CSMD3: variants seen among roughly 807,000 people sequenced by gnomAD.
CSMD3 encodes the protein CUB and sushi domain-containing protein 3.
A neutral mutation model predicts 435.2 loss-of-function variants in CSMD3; 177 were observed. The observed-to-expected ratio is 0.41, with a 90% CI of 0.36 to 0.46. The LOEUF (loss-of-function observed/expected upper bound fraction) is 0.46. Among genes scored for constraint, CSMD3 ranks in the 20% least tolerant of loss-of-function variants. CSMD3 has a pLI of 0.34. For missense variants in CSMD3, 4,265 were observed against 4,504.6 expected (o/e 0.95, Z 1.52); for synonymous variants, 1,656 against 1,520.5 (o/e 1.09, Z -2.07).
chr8:112,327,298 T>C (rs1420991767), intron 45 of CSMD3, among the ~76,000 whole-genome samples: 1 of 152,102 alleles, frequency 6.6e-6, no homozygotes. Context: ...CTGGTACAAA[T>C]ATATCCAATA....
chr8:113,251,005 G>GA (rs111931715), intron 3 of CSMD3, among the ~76,000 whole-genome samples: 19 of 150,244 alleles, frequency 1.3e-4, no homozygotes, highest in African/African-American at 1.7e-4. Flanking sequence ...AGCTAAAAAG[G>GA]AAAAAAAAAG....
chr8:112,335,613 T>C, intron 44 of CSMD3, 139 bp from the exon 45 acceptor site: 1 of 743,828 alleles, frequency 1.3e-6, no homozygotes, highest in Admixed American at 2.1e-5. Flanking sequence ...AACCAATGAG[T>C]ACAAATTATA....
At chr8:112,328,319 T>A (rs917376965) in intron 45 of CSMD3, among the ~76,000 whole-genome samples, 19 of 152,210 alleles carry the variant, frequency 1.2e-4, no homozygotes, top group African/African-American at 4.1e-4. Context: ...TTGAAATTAA[T>A]GCTACCTTAG....
chr8:113,244,764 T>A (rs114967900), intron 3 of CSMD3, among the ~76,000 whole-genome samples: 2 of 152,144 alleles, frequency 1.3e-5, no homozygotes, highest in Admixed American at 1.3e-4. Context: ...TGGACTGGTT[T>A]TTTTCTTGTG....
At chr8:113,432,869 T>G (rs1225810000) in intron 1 of CSMD3, among the ~76,000 whole-genome samples, 1 of 152,120 alleles carries the variant, frequency 6.6e-6, no homozygotes, top group Non-Finnish European at 1.5e-5. Context: ...TAGGACACAC[T>G]CACACCCACC....
chr8:113,230,381 C>T (rs912016654), intron 3 of CSMD3, among the ~76,000 whole-genome samples: 5 of 151,326 alleles, frequency 3.3e-5, no homozygotes, highest in East Asian at 3.9e-4. Context: ...TTTTATGTTG[C>T]CTTTCTGTAC....
intron 20 of CSMD3, among the ~76,000 whole-genome samples, chr8:112,639,473 G>T (rs1051097866): frequency 2.6e-5 from 4 of 152,074 alleles, no homozygotes; most frequent in African/African-American, 9.7e-5. Context: ...ATATATAAGT[G>T]TTCAGGTCAA....
In CSMD3 at chr8:112,303,589, A is replaced by C. The variant is rs529998577; in HGVS notation, c.8266+1132T>G. ...ACAAACAAACAAACAAAAACAACAA[A>C]AAAAAATACAGATGATGGCACATTT... On this transcript the variant is annotated intron_variant, in intron 52 of 70. Coordinates refer to ENST00000297405, the MANE Select transcript of CSMD3 (RefSeq NM_198123.2). 1.6e-4 allele frequency among the ~76,000 whole-genome samples: 24 copies of C among 152,194 alleles called. 1 individual carries two copies. Among genetic ancestry groups the C allele is most frequent in the East Asian group, 5.8e-4 (3 of 5,180 alleles).
chr8:113,294,168 A>G (rs1363654828), intron 2 of CSMD3, among the ~76,000 whole-genome samples: 1 of 152,074 alleles, frequency 6.6e-6, no homozygotes, highest in Non-Finnish European at 1.5e-5. Context: ...CTAATTAGGA[A>G]CATGAAACTA....
At chr8:113,398,941 C>T (rs947794023) in intron 1 of CSMD3, among the ~76,000 whole-genome samples, 1 of 151,348 alleles carries the variant, frequency 6.6e-6, no homozygotes, top group Non-Finnish European at 1.5e-5. Flanking sequence ...AGGGACAAGG[C>T]CTGTGTTTGA....
At chr8:112,341,730 G>A (rs375836007) in intron 41 of CSMD3, 44 bp from the exon 42 acceptor site, 71 of 1,225,872 alleles carry the variant, frequency 5.8e-5, no homozygotes, top group East Asian at 1.7e-4. Context: ...TTGCTTTACC[G>A]AATTAAACAT....
chr8:112,448,146 C>T (rs1815830909), intron 32 of CSMD3, among the ~76,000 whole-genome samples: 2 of 152,172 alleles, frequency 1.3e-5, no homozygotes, highest in Admixed American at 1.3e-4. Flanking sequence ...GCTAGGCTCT[C>T]ATAAGGGCTT....
intron 32 of CSMD3, among the ~76,000 whole-genome samples, chr8:112,447,770 TC>T (rs1815784184): frequency 6.6e-6 from 1 of 152,226 alleles, no homozygotes; most frequent in South Asian, 2.1e-4. Flanking sequence ...TTAGGACTTA[TC>T]TTTTGCTACC....
chr8:112,785,704 A>C (rs1355945929), intron 13 of CSMD3, among the ~76,000 whole-genome samples: 1 of 152,092 alleles, frequency 6.6e-6, no homozygotes, highest in Non-Finnish European at 1.5e-5. Context: ...ATAAAATAAA[A>C]TACCTAGGAA....
intron 11 of CSMD3, among the ~76,000 whole-genome samples, chr8:112,845,806 G>A (rs578182025): frequency 6.6e-6 from 1 of 151,978 alleles, no homozygotes. Context: ...CAACTTCAAG[G>A]CATACTAATT....
At chr8:112,508,394 G>A (rs1052581132) in intron 28 of CSMD3, among the ~76,000 whole-genome samples, 4 of 152,032 alleles carry the variant, frequency 2.6e-5, no homozygotes, top group Non-Finnish European at 5.9e-5. Flanking sequence ...TACCAGTTCC[G>A]ATTCTTTGCT....
At chr8:112,947,909 C>A (rs527820004) in intron 8 of CSMD3, 32 bp from the exon 9 acceptor site, 3 of 883,112 alleles carry the variant, frequency 3.4e-6, no homozygotes, top group Admixed American at 1.7e-5. Flanking sequence ...AAAAAAGAAA[C>A]AAAATATATG....
chr8:112,817,328 A>G lies in CSMD3; in HGVS notation c.1859+12358T>C, dbSNP rs542526743. Among the ~76,000 whole-genome samples the G allele has an allele frequency of 1.9e-3, 294 of 152,196 alleles. 2 individuals carry two copies. The highest frequency in any genetic ancestry group is 3.4e-3 in the Non-Finnish European group (228 of 67,966). On this transcript the variant is annotated intron_variant, in intron 12 of 70. Coordinates refer to ENST00000297405, the MANE Select transcript of CSMD3 (RefSeq NM_198123.2). Reference sequence around the variant, plus strand: ...AACATCTCCTGGAGAGCTGGAAGTAATCTCAAGGCCAGTAATTGCATTACC... The same window carrying G: ...AACATCTCCTGGAGAGCTGGAAGTAGTCTCAAGGCCAGTAATTGCATTACC...
intron 10 of CSMD3, among the ~76,000 whole-genome samples, chr8:112,885,395 C>T (rs539570841): frequency 2.7e-4 from 41 of 150,908 alleles, no homozygotes; most frequent in East Asian, 1.2e-3. Context: ...TATATATTTA[C>T]GATGAACTAT....
Sources: gnomAD v4.1 joint callset for allele counts (sites outside exome capture counted in the v4.1 genomes callset) on GRCh38, gnomAD v4.1.1 for gene constraint, MANE v1.5 for transcripts, NCBI Gene and HGNC (gene_info 2026-07-23, HGNC 2026-07-21) for gene names.